CDC42SE2: variants seen among roughly 807,000 people sequenced by gnomAD.
CDC42SE2 encodes CDC42 small effector 2.
Under a neutral mutation model 11.5 loss-of-function variants are expected in CDC42SE2, and 3 were observed. That is an observed-to-expected ratio of 0.26 (90% CI 0.12 to 0.67). The LOEUF is 0.67. CDC42SE2 is among the 30% of genes least tolerant of loss of function. The pLI is 0.80. For synonymous variants in CDC42SE2, 33 were observed against 34.8 expected (o/e 0.95, Z 0.18); for missense variants, 82 against 106.8 (o/e 0.77, Z 1.02).
chr5:131,312,337 C>T (rs889898386), intron 1 of CDC42SE2, among the ~76,000 whole-genome samples: 1 of 152,086 alleles, frequency 6.6e-6, no homozygotes, highest in Admixed American at 6.5e-5. Flanking sequence ...AGTGCCAGTG[C>T]TCTCTTCAAA....
intron 2 of CDC42SE2, among the ~76,000 whole-genome samples, chr5:131,346,319 A>C (rs1240910240): frequency 1.3e-5 from 2 of 152,202 alleles, no homozygotes; most frequent in Non-Finnish European, 2.9e-5. Flanking sequence ...TCTACCAAGC[A>C]AATGGAAAAC....
At chr5:131,210,994 C>T in the CDC42SE2 span, among the ~76,000 whole-genome samples, 8 of 152,272 alleles carry the variant, frequency 5.3e-5, no homozygotes, top group East Asian at 1.5e-3. Context: ...TGCACCATCA[C>T]GCCCAGCTAA....
At chr5:131,278,724 CCCCCCTCCCCTCCCCTCCCCCT>C (rs1757161341) in intron 1 of CDC42SE2, among the ~76,000 whole-genome samples, 1 of 9,196 alleles carries the variant, frequency 1.1e-4, no homozygotes, top group Non-Finnish European at 2.3e-4. Flanking sequence ...CCCCTCCCCT[CCCCCCTCCCCTCCCCTCCCCCT>C]CCCCTCCCCT....
chr5:131,220,437 C>T, the CDC42SE2 span, among the ~76,000 whole-genome samples: 7 of 152,092 alleles, frequency 4.6e-5, no homozygotes, highest in African/African-American at 2.4e-5. Context: ...GATCTCCTGA[C>T]CTCGTGATCC....
the CDC42SE2 span, among the ~76,000 whole-genome samples, chr5:131,230,605 T>A: frequency 6.6e-6 from 1 of 152,200 alleles, no homozygotes. Flanking sequence ...TGTCTCCTAC[T>A]GACAGAATTG....
At chr5:131,339,425 A>T (rs955150597) in intron 2 of CDC42SE2, among the ~76,000 whole-genome samples, 13 of 152,260 alleles carry the variant, frequency 8.5e-5, no homozygotes, top group African/African-American at 2.9e-4. Context: ...AATCAGAAAA[A>T]CATATCTATT....
At chr5:131,334,337 T>C (rs1758500286) in intron 2 of CDC42SE2, among the ~76,000 whole-genome samples, 1 of 152,220 alleles carries the variant, frequency 6.6e-6, no homozygotes, top group Admixed American at 6.5e-5. Flanking sequence ...GTTGATAAGC[T>C]TTTTGATGTG....
At chr5:131,283,281 T>C (rs1249977744) in intron 1 of CDC42SE2, among the ~76,000 whole-genome samples, 2 of 152,134 alleles carry the variant, frequency 1.3e-5, no homozygotes, top group African/African-American at 2.4e-5. Flanking sequence ...ACTAATTTTA[T>C]ATTTTCATCA....
intron 1 of CDC42SE2, among the ~76,000 whole-genome samples, chr5:131,249,895 G>A (rs1756626739): frequency 6.6e-6 from 1 of 152,018 alleles, no homozygotes; most frequent in African/African-American, 2.4e-5. Context: ...AAAAAAAAGA[G>A]CATAGGGAGA....
At chr5:131,238,558 A>G in the CDC42SE2 span, among the ~76,000 whole-genome samples, 8 of 151,842 alleles carry the variant, frequency 5.3e-5, no homozygotes, top group African/African-American at 1.9e-4. Context: ...CATGGTACAT[A>G]TATACCTATA....
intron 2 of CDC42SE2, among the ~76,000 whole-genome samples, chr5:131,353,283 A>ATT (rs34522192): frequency 1.4e-5 from 2 of 143,228 alleles, no homozygotes; most frequent in Non-Finnish European, 1.5e-5. Flanking sequence ...TTTATTAATA[A>ATT]TTTTTTTTTT....
the CDC42SE2 span, among the ~76,000 whole-genome samples, chr5:131,222,697 T>G: frequency 6.6e-6 from 1 of 152,236 alleles, no homozygotes; most frequent in Non-Finnish European, 1.5e-5. Flanking sequence ...TATCTGCTCC[T>G]TATGCAGTTG....
chr5:131,345,082 A>C (rs1020666824), intron 2 of CDC42SE2, among the ~76,000 whole-genome samples: 9 of 152,242 alleles, frequency 5.9e-5, no homozygotes, highest in African/African-American at 1.9e-4. Context: ...TCTAAAAATC[A>C]GAGCACCTCT....
intron 3 of CDC42SE2, among the ~76,000 whole-genome samples, chr5:131,374,503 C>T (rs1245801255): frequency 4.1e-5 from 6 of 145,922 alleles, no homozygotes; most frequent in Admixed American, 6.9e-5. Context: ...TGCACTCCAG[C>T]CTGGGCAACA....
intron 2 of CDC42SE2, among the ~76,000 whole-genome samples, chr5:131,258,417 G>C (rs1008335431): frequency 6.6e-6 from 1 of 152,090 alleles, no homozygotes; most frequent in Admixed American, 6.6e-5. Flanking sequence ...AGAAAAAGGA[G>C]TTCTTGGTTA....
At chr5:131,295,725 C>T (rs563646709) in intron 1 of CDC42SE2, among the ~76,000 whole-genome samples, 1 of 151,824 alleles carries the variant, frequency 6.6e-6, no homozygotes, top group South Asian at 2.1e-4. Context: ...CTCTGTCACC[C>T]AGGCTGGAGT....
At chr5:131,278,000 C>A (rs574391558) in intron 1 of CDC42SE2, among the ~76,000 whole-genome samples, 2 of 152,148 alleles carry the variant, frequency 1.3e-5, no homozygotes, top group Admixed American at 6.5e-5. Flanking sequence ...CTATTCCCCC[C>A]ACTTTTTTTT....
chr5:131,238,093 G>C, the CDC42SE2 span, among the ~76,000 whole-genome samples: 21,166 of 53,988 alleles, frequency 0.39, 1,562 homozygotes, highest in South Asian at 0.46. Flanking sequence ...CCTCTCAATA[G>C]TATTTTTCAT....
the CDC42SE2 span, among the ~76,000 whole-genome samples, chr5:131,232,471 G>A: frequency 3.3e-5 from 5 of 151,896 alleles, no homozygotes; most frequent in African/African-American, 9.7e-5. Flanking sequence ...AGTGGCTCAC[G>A]CCTGTAATCC....
Sources: allele counts gnomAD v4.1 joint callset (sites outside exome capture counted in the v4.1 genomes callset), GRCh38; gene constraint gnomAD v4.1.1; transcripts MANE v1.5; gene names NCBI Gene and HGNC (gene_info 2026-07-23, HGNC 2026-07-21).